Variants in DCAF10 observed in about 807,000 individuals in gnomAD.
The protein encoded by DCAF10 is DDB1- and CUL4-associated factor 10.
Under a neutral mutation model 51.9 loss-of-function variants are expected in DCAF10, and 19 were observed. That is an observed-to-expected ratio of 0.37 (90% CI 0.26 to 0.54). The LOEUF (loss-of-function observed/expected upper bound fraction) is 0.54, where lower values mean the gene tolerates loss of function less well. DCAF10 is among the 20% of genes least tolerant of loss of function. The probability of loss-of-function intolerance (pLI) is 0.87; values close to 1 mark genes in which losing one functional copy is unlikely to be tolerated. For missense variants in DCAF10, 510 were observed against 730.6 expected (o/e 0.70, Z 3.48); for synonymous variants, 291 against 297.1 (o/e 0.98, Z 0.21).
chr9:37,834,067 G>A (rs1393785946), intron 2 of DCAF10, among the ~76,000 whole-genome samples: 1 of 152,136 alleles, frequency 6.6e-6, no homozygotes, highest in Non-Finnish European at 1.5e-5. Context: ...AGCCTCCCGA[G>A]TAGCTGATAT....
chr9:37,816,912 T>C (rs964438424), intron 1 of DCAF10, among the ~76,000 whole-genome samples: 2 of 152,202 alleles, frequency 1.3e-5, no homozygotes, highest in African/African-American at 2.4e-5. Context: ...TGACATGGTA[T>C]ATATAAAATT....
chr9:37,860,245 T>C (rs1348277828), intron 6 of DCAF10, 52 bp downstream of exon 6: 2 of 1,609,510 alleles, frequency 1.2e-6, no homozygotes, highest in Non-Finnish European at 1.7e-6. Flanking sequence ...CAAATTGCCA[T>C]TGCCGTGTGT....
upstream of DCAF10, chr9:37,800,779 C>CAA: frequency 6.6e-7 from 1 of 1,521,568 alleles, no homozygotes; most frequent in Non-Finnish European, 8.8e-7. Flanking sequence ...GGTTAGGCCG[C>CAA]TGCACGCCGG....
chr9:37,838,353 T>C (rs967667185), intron 2 of DCAF10, among the ~76,000 whole-genome samples: 10 of 152,110 alleles, frequency 6.6e-5, no homozygotes, highest in Admixed American at 2.6e-4. Flanking sequence ...TTTGGGAAAA[T>C]GGACACTCTC....
intron 2 of DCAF10, among the ~76,000 whole-genome samples, chr9:37,821,102 TATACAC>T (rs1278750250): frequency 6.7e-6 from 1 of 149,764 alleles, no homozygotes; most frequent in Non-Finnish European, 1.5e-5. Context: ...TATATATATA[TATACAC>T]ACACACACAC....
chr9:37,814,562 G>C (rs1003515317), intron 1 of DCAF10, among the ~76,000 whole-genome samples: 2 of 151,972 alleles, frequency 1.3e-5, no homozygotes, highest in Non-Finnish European at 2.9e-5. Context: ...TTATAGGTGA[G>C]AGCCACTGTG....
At chr9:37,849,069 C>T (rs1166909900) in intron 3 of DCAF10, among the ~76,000 whole-genome samples, 1 of 149,934 alleles carries the variant, frequency 6.7e-6, no homozygotes, top group Admixed American at 6.7e-5. Context: ...CATTAATTAA[C>T]TAGAGATAGA....
At chr9:37,848,985 A>C (rs1049014371) in intron 3 of DCAF10, among the ~76,000 whole-genome samples, 3 of 152,110 alleles carry the variant, frequency 2.0e-5, no homozygotes, top group Non-Finnish European at 2.9e-5. Flanking sequence ...AAAAAAAAAA[A>C]AAAAAACTTA....
Position 37,866,574 on chromosome 9 carries a change from T to G in DCAF10, c.*5066T>G, listed in dbSNP as rs780323293. 1 of 152,344 alleles carries G rather than the reference T, an allele frequency of 6.6e-6. No individual in the cohort carries two copies. The highest frequency in any genetic ancestry group is 6.5e-5 in the Admixed American group (1 of 15,284). The allele number at this position is 152,344 out of a possible 1,614,324, so 9.4% of individuals were successfully genotyped here. ...TTCTTCTAATGTGCTGTTATGAGCT[T>G]TGGACATGAGATAACCGTGCCTGTT... On this transcript the variant is annotated 3_prime_UTR_variant, in exon 7 of 7. Coordinates refer to ENST00000377724, the MANE Select transcript of DCAF10 (RefSeq NM_024345.5).
chr9:37,838,722 C>T (rs1830246085), intron 2 of DCAF10, among the ~76,000 whole-genome samples: 1 of 151,954 alleles, frequency 6.6e-6, no homozygotes, highest in Non-Finnish European at 1.5e-5. Context: ...CAAAACCTGT[C>T]TCTACTAAAA....
intron 2 of DCAF10, among the ~76,000 whole-genome samples, chr9:37,820,339 CT>C (rs1829665865): frequency 6.6e-6 from 1 of 152,156 alleles, no homozygotes; most frequent in African/African-American, 2.4e-5. Context: ...GACCAGCTGG[CT>C]TTCAGTCTAG....
At chr9:37,827,483 AT>A (rs1264008832) in intron 2 of DCAF10, among the ~76,000 whole-genome samples, 3 of 152,314 alleles carry the variant, frequency 2.0e-5, no homozygotes, top group Non-Finnish European at 2.9e-5. Flanking sequence ...AGAACAAAAA[AT>A]ATCCTGAACA....
chr9:37,849,328 C>T (rs1372536985), intron 3 of DCAF10, among the ~76,000 whole-genome samples: 1 of 152,150 alleles, frequency 6.6e-6, no homozygotes, highest in Non-Finnish European at 1.5e-5. Context: ...CAGGCGTTGG[C>T]AAACTATTTC....
At chr9:37,843,977 G>A (rs1489055226) in intron 3 of DCAF10, among the ~76,000 whole-genome samples, 1 of 152,090 alleles carries the variant, frequency 6.6e-6, no homozygotes, top group South Asian at 2.1e-4. Flanking sequence ...ACAATTATAC[G>A]TCAAAGACAA....
intron 3 of DCAF10, among the ~76,000 whole-genome samples, chr9:37,848,160 G>A (rs904734590): frequency 6.6e-6 from 1 of 152,102 alleles, no homozygotes; most frequent in Non-Finnish European, 1.5e-5. Flanking sequence ...AAAACAATTT[G>A]GCAGTTTCAT....
At chr9:37,844,840 A>C (rs1242648909) in intron 3 of DCAF10, among the ~76,000 whole-genome samples, 1 of 150,522 alleles carries the variant, frequency 6.6e-6, no homozygotes, top group Non-Finnish European at 1.5e-5. Context: ...CAACAACAAC[A>C]AACAAAAATG....
At chr9:37,803,616 T>C (rs1357935974) in intron 1 of DCAF10, among the ~76,000 whole-genome samples, 2 of 150,632 alleles carry the variant, frequency 1.3e-5, no homozygotes, top group Non-Finnish European at 3.0e-5. Context: ...ATCAGGGTGA[T>C]GAGTGAAAAT....
At chr9:37,825,832 A>C (rs1463352212) in intron 2 of DCAF10, among the ~76,000 whole-genome samples, 3 of 152,152 alleles carry the variant, frequency 2.0e-5, no homozygotes, top group Non-Finnish European at 4.4e-5. Flanking sequence ...CAGCCTGGCC[A>C]ACATAGTGAA....
chr9:37,826,101 A>C (rs1564032597), intron 2 of DCAF10, among the ~76,000 whole-genome samples: 2 of 151,800 alleles, frequency 1.3e-5, no homozygotes, highest in Non-Finnish European at 2.9e-5. Flanking sequence ...CAATATGAAC[A>C]GAGTTAATGC....
Sources: gnomAD v4.1 joint callset for allele counts (sites outside exome capture counted in the v4.1 genomes callset) on GRCh38, gnomAD v4.1.1 for gene constraint, MANE v1.5 for transcripts, NCBI Gene and HGNC (gene_info 2026-07-23, HGNC 2026-07-21) for gene names.